Variants in CDH8 observed in about 807,000 individuals in gnomAD.
CDH8 encodes the protein cadherin-8.
CDH8 carries 17 observed loss-of-function variants against 68.1 expected under a neutral mutation model. The ratio of observed to expected loss-of-function variants is 0.25; its 90% CI spans 0.17 to 0.37. The LOEUF (loss-of-function observed/expected upper bound fraction) is 0.37, where lower values mean the gene tolerates loss of function less well. Ranked by LOEUF, CDH8 falls within the 10% of genes least tolerant of loss-of-function variation. The pLI is 1.00. For synonymous variants in CDH8, 372 were observed against 365.1 expected, an observed-to-expected ratio of 1.02 and a Z score of -0.21; for missense variants, 763 against 999.3, an observed-to-expected ratio of 0.76 and a Z score of 3.19.
At chr16:61,699,156 G>C (rs555414726) in intron 10 of CDH8, among the ~76,000 whole-genome samples, 58 of 152,010 alleles carry the variant, frequency 3.8e-4, no homozygotes, top group Non-Finnish European at 7.3e-4. Flanking sequence ...CTTTCCTCCT[G>C]TTCTGTACCA....
chr16:61,906,102 G>C (rs1270034653), intron 2 of CDH8, among the ~76,000 whole-genome samples: 1 of 152,132 alleles, frequency 6.6e-6, no homozygotes, highest in Non-Finnish European at 1.5e-5. Context: ...ACATTACACA[G>C]AGTTGTGAAA....
chr16:61,688,163 TTCTC>T (rs1964144607), intron 10 of CDH8, among the ~76,000 whole-genome samples: 2 of 152,014 alleles, frequency 1.3e-5, no homozygotes, highest in Admixed American at 1.3e-4. Flanking sequence ...CACGTTTGTG[TTCTC>T]TCTAATTCCT....
chr16:61,983,935 C>G (rs865973554), intron 2 of CDH8, among the ~76,000 whole-genome samples: 1 of 138,482 alleles, frequency 7.2e-6, no homozygotes, highest in Non-Finnish European at 1.6e-5. Context: ...TTTATTTTTT[C>G]GAGACGGAAT....
rs1377607471 is a variant in CDH8, at chr16:61,958,109, G to C, written c.253-56636C>G. Among the ~76,000 whole-genome samples the C allele has an allele frequency of 3.3e-5, 5 of 152,172 alleles. No homozygotes were observed. In the East Asian group the frequency reaches 7.7e-4, roughly 23 times the overall value. On this transcript the variant is annotated intron_variant, in intron 2 of 11. Transcript: ENST00000577390. ...TCAAAAAGCTATATCTTGTGGGAGA[G>C]GGGGATAAATTGATCAAACCCTGTG...
At chr16:61,815,413 T>A (rs1313622085) in intron 7 of CDH8, among the ~76,000 whole-genome samples, 1 of 152,176 alleles carries the variant, frequency 6.6e-6, no homozygotes, top group African/African-American at 2.4e-5. Context: ...GATTATAAAA[T>A]GTGCAACCAT....
Position 61,968,040 on chromosome 16 carries a change from C to G in CDH8, c.252+53112G>C, listed in dbSNP as rs780191367. ...GGCCAGGCTGGTCTCGAACTCCTGA[C>G]CTTGGGCGATCCACCCGCTTTGGCC... On this transcript the variant is annotated intron_variant, in intron 2 of 11. Transcript: ENST00000577390. Among the ~76,000 whole-genome samples the G allele has an allele frequency of 1.3e-3, 204 of 152,228 alleles. 1 individual carries two copies. The highest frequency in any genetic ancestry group is 2.2e-3 in the Non-Finnish European group (148 of 68,022).
intron 2 of CDH8, among the ~76,000 whole-genome samples, chr16:62,016,697 C>T (rs1342940193): frequency 6.6e-6 from 1 of 152,202 alleles, no homozygotes; most frequent in Non-Finnish European, 1.5e-5. Context: ...TCTGCCTTGC[C>T]TTGGTCCACA....
chr16:61,783,944 C>T (rs1418232748), intron 8 of CDH8, among the ~76,000 whole-genome samples: 1 of 152,278 alleles, frequency 6.6e-6, no homozygotes, highest in Non-Finnish European at 1.5e-5. Flanking sequence ...AAGCGCTAAA[C>T]ATGGAAAGGA....
chr16:61,667,273 T>C (rs1352792227), intron 10 of CDH8: 1 of 151,870 alleles, frequency 6.6e-6, no homozygotes, highest in East Asian at 1.9e-4. Flanking sequence ...TATCTAGCCA[T>C]AAAATATTGG....
intron 2 of CDH8, chr16:61,934,351 G>GGCCT (rs1964594214): frequency 6.6e-6 from 1 of 152,096 alleles, no homozygotes; most frequent in Non-Finnish European, 1.5e-5. Context: ...AGGCCTCTGA[G>GGCCT]AGGCCTTGGG....
intron 3 of CDH8, among the ~76,000 whole-genome samples, chr16:61,882,473 C>T (rs1194641063): frequency 1.3e-5 from 2 of 152,140 alleles, no homozygotes; most frequent in African/African-American, 2.4e-5. Context: ...GCTTGACTTT[C>T]GAGCAGGAGA....
chr16:61,837,208 T>C (rs1412108609), intron 4 of CDH8, among the ~76,000 whole-genome samples: 1 of 152,072 alleles, frequency 6.6e-6, no homozygotes, highest in Non-Finnish European at 1.5e-5. Context: ...ATCAGATCAC[T>C]GTCTGTGCAA....
intron 8 of CDH8, among the ~76,000 whole-genome samples, chr16:61,738,852 T>C (rs1370042869): frequency 6.6e-6 from 1 of 152,164 alleles, no homozygotes; most frequent in Non-Finnish European, 1.5e-5. Flanking sequence ...TTGTTTCTTT[T>C]GTTTTAGTTT....
intron 8 of CDH8, among the ~76,000 whole-genome samples, chr16:61,782,896 C>G (rs1486964369): frequency 1.3e-5 from 2 of 152,252 alleles, no homozygotes; most frequent in South Asian, 2.1e-4. Flanking sequence ...AGAAGGAAAA[C>G]TAACAAACAG....
chr16:62,031,269 G>A (rs945529989), intron 1 of CDH8, among the ~76,000 whole-genome samples: 4 of 152,072 alleles, frequency 2.6e-5, no homozygotes, highest in African/African-American at 7.2e-5. Context: ...TGTGGAACAT[G>A]AGTAAGATTG....
intron 10 of CDH8, among the ~76,000 whole-genome samples, chr16:61,674,854 C>T (rs1963865675): frequency 6.7e-6 from 1 of 149,418 alleles, no homozygotes; most frequent in Non-Finnish European, 1.5e-5. Context: ...GCTTTATCAA[C>T]ATATAAAGAA....
chr16:61,821,019 C>A lies in CDH8; in HGVS notation c.930G>T (p.Gln310His), dbSNP rs757073104. Reference sequence around the variant, plus strand: ...CTCCATCGATGATATCATATGATGACTGTGCATTTTCACCAATATCCTGAT... The same window carrying A: ...CTCCATCGATGATATCATATGATGAATGTGCATTTTCACCAATATCCTGAT... The part of the protein sequence containing the change: ...ANDQDIGENA[Q>H]SSYDIIDGDG... The change falls in exon 6 of 12, where the codon CAG becomes CAT. Residue 310 changes from glutamine to histidine, a missense_variant. By Grantham distance (24) the Gln-to-His change is conservative (BLOSUM62 0). Around this residue, in one of 2 missense-constraint regions of CDH8, gnomAD observed 366 missense variants for 563.1 expected, o/e 0.65. Transcript: ENST00000577390. 16 of 1,612,836 alleles carry A rather than the reference C, an allele frequency of 9.9e-6. No homozygotes were observed. The highest frequency in any genetic ancestry group is 5.1e-6 in the Non-Finnish European group (6 of 1,179,270).
intron 1 of CDH8, among the ~76,000 whole-genome samples, chr16:62,024,110 GT>G (rs1217272733): frequency 1.3e-4 from 20 of 152,116 alleles, no homozygotes; most frequent in Admixed American, 1.2e-3. Context: ...AACAGCTGGG[GT>G]TACAGGCATG....
At chr16:61,821,739 T>C (rs1057321782) in intron 5 of CDH8, among the ~76,000 whole-genome samples, 3 of 151,970 alleles carry the variant, frequency 2.0e-5, no homozygotes, top group Admixed American at 6.6e-5. Flanking sequence ...TACAATCAAG[T>C]GTATCTTCAC....
Sources: gnomAD v4.1 joint callset for allele counts (sites outside exome capture counted in the v4.1 genomes callset) on GRCh38, gnomAD v4.1.1 for gene constraint, gnomAD v4.1.1 regional missense constraint, MANE v1.5 for transcripts, NCBI Gene and HGNC (gene_info 2026-07-23, HGNC 2026-07-21) for gene names.